PPHLN1: variants seen among roughly 807,000 people sequenced by gnomAD.
The protein encoded by PPHLN1 is periphilin 1, also known as periphilin-1.
A neutral mutation model predicts 51.3 loss-of-function variants in PPHLN1; 29 were observed. The observed-to-expected ratio is 0.57, with a 90% CI of 0.42 to 0.77. The LOEUF is 0.77. Ranked by LOEUF, PPHLN1 falls within the 30% of genes least tolerant of loss-of-function variation. PPHLN1 has a pLI of 0.00. For missense variants in PPHLN1, 436 were observed against 438.4 expected (o/e 0.99, Z 0.05); for synonymous variants, 147 against 147.8 (o/e 0.99, Z 0.04).
At chr12:42,406,038 C>G (rs556569240) in intron 9 of PPHLN1, among the ~76,000 whole-genome samples, 32 of 151,728 alleles carry the variant, frequency 2.1e-4, no homozygotes, top group Non-Finnish European at 4.3e-4. Context: ...ACCTTTACCC[C>G]CTTCAAGGTA....
At chr12:42,401,726 A>G (rs991261653) in intron 9 of PPHLN1, among the ~76,000 whole-genome samples, 2 of 152,200 alleles carry the variant, frequency 1.3e-5, no homozygotes, top group African/African-American at 4.8e-5. Context: ...TCTGCTGCCT[A>G]TAAGTATGCT....
chr12:42,383,706 C>T (rs1025678334), intron 5 of PPHLN1, among the ~76,000 whole-genome samples: 1 of 151,976 alleles, frequency 6.6e-6, no homozygotes, highest in African/African-American at 2.4e-5. Flanking sequence ...TTTGGCTGGT[C>T]GTGGTGGCTC....
At chr12:42,414,909 T>G (rs888462314) in intron 9 of PPHLN1, among the ~76,000 whole-genome samples, 5 of 152,244 alleles carry the variant, frequency 3.3e-5, no homozygotes, top group African/African-American at 1.2e-4. Flanking sequence ...CATGTTATTC[T>G]CTCTTATGTA....
chr12:42,405,643 A>G (rs1331619405), intron 9 of PPHLN1, among the ~76,000 whole-genome samples: 1 of 151,470 alleles, frequency 6.6e-6, no homozygotes, highest in Admixed American at 6.6e-5. Context: ...AATGCAATAT[A>G]TGTTATTTCT....
chr12:42,355,841 A>G (rs2073994089), intron 4 of PPHLN1, among the ~76,000 whole-genome samples: 1 of 152,044 alleles, frequency 6.6e-6, no homozygotes, highest in South Asian at 2.1e-4. Flanking sequence ...AGGTTTGCTT[A>G]ATTAGTATTT....
chr12:42,361,780 G>A (rs2074718619), intron 4 of PPHLN1: 1 of 152,214 alleles, frequency 6.6e-6, no homozygotes, highest in Non-Finnish European at 1.5e-5. Context: ...GGTGAGTACA[G>A]AAACCCACAT....
intron 1 of PPHLN1, among the ~76,000 whole-genome samples, chr12:42,329,140 C>T (rs1469584755): frequency 7.2e-6 from 1 of 139,386 alleles, no homozygotes; most frequent in Non-Finnish European, 1.5e-5. Flanking sequence ...CTCACTCTGT[C>T]ACCCAGGCTG....
chr12:42,337,240 ATTG>A (rs1185867396), intron 2 of PPHLN1, among the ~76,000 whole-genome samples: 5 of 148,856 alleles, frequency 3.4e-5, no homozygotes, highest in Admixed American at 1.3e-4. Context: ...CCCATTAGGA[ATTG>A]TTCTGTTTTT....
chr12:42,387,672 G>GCA, intron 7 of PPHLN1, 137 bp downstream of exon 7: 1 of 1,145,668 alleles, frequency 8.7e-7, no homozygotes, highest in Non-Finnish European at 1.2e-6. Flanking sequence ...TTTTGGCTAG[G>GCA]TGTGGTGGCT....
chr12:42,445,077 C>T (rs1179261849), downstream of PPHLN1: 3 of 702,384 alleles, frequency 4.3e-6, no homozygotes, highest in Admixed American at 4.0e-5. Context: ...TAAGTCTACT[C>T]TCGAGCCGGC....
At chr12:42,337,439 G>A (rs2070833366) in intron 2 of PPHLN1, among the ~76,000 whole-genome samples, 1 of 151,790 alleles carries the variant, frequency 6.6e-6, no homozygotes, top group Non-Finnish European at 1.5e-5. Context: ...GGGATTACAG[G>A]TGCCCACCAC....
chr12:42,343,128 T>C (rs1010593591), intron 2 of PPHLN1, among the ~76,000 whole-genome samples: 2 of 152,380 alleles, frequency 1.3e-5, no homozygotes, highest in African/African-American at 2.4e-5. Flanking sequence ...TCAGGTCTAC[T>C]TAATTTAGTA....
At chr12:42,440,732 C>T (rs1010032809) in intron 9 of PPHLN1, among the ~76,000 whole-genome samples, 3 of 152,210 alleles carry the variant, frequency 2.0e-5, no homozygotes, top group African/African-American at 4.8e-5. Flanking sequence ...CACGCGCCAC[C>T]GCGCCCAGCC....
At chr12:42,327,698 G>A (rs1170686325) in intron 1 of PPHLN1, among the ~76,000 whole-genome samples, 1 of 152,160 alleles carries the variant, frequency 6.6e-6, no homozygotes, top group Non-Finnish European at 1.5e-5. Flanking sequence ...CCTACTAAGC[G>A]AGACTGTCGG....
chr12:42,372,184 G>A (rs2075867402), intron 4 of PPHLN1, among the ~76,000 whole-genome samples: 1 of 152,062 alleles, frequency 6.6e-6, no homozygotes, highest in East Asian at 1.9e-4. Flanking sequence ...TATCAAAAAG[G>A]ATACTTATGA....
chr12:42,346,294 GT>G (rs903452996), intron 2 of PPHLN1, among the ~76,000 whole-genome samples: 3 of 150,182 alleles, frequency 2.0e-5, no homozygotes, highest in African/African-American at 4.9e-5. Flanking sequence ...GCTCTTTTTT[GT>G]TTTTTTTAAA....
downstream of PPHLN1, chr12:42,442,827 C>T (rs2083075572): frequency 4.4e-6 from 7 of 1,585,844 alleles, no homozygotes; most frequent in South Asian, 6.8e-5. Context: ...GCTATCCACA[C>T]AACAGAAACA....
intron 5 of PPHLN1, among the ~76,000 whole-genome samples, chr12:42,378,983 G>A (rs1277804150): frequency 6.6e-6 from 1 of 151,600 alleles, no homozygotes; most frequent in Non-Finnish European, 1.5e-5. Context: ...CTTTCTCCCT[G>A]TGTATTATGA....
At chr12:42,423,604 C>G (rs2139725529) in intron 9 of PPHLN1, among the ~76,000 whole-genome samples, 1 of 152,104 alleles carries the variant, frequency 6.6e-6, no homozygotes, top group East Asian at 1.9e-4. Flanking sequence ...ATTCTTTTTT[C>G]CAGTAGAAGT....
Sources: gnomAD v4.1 joint callset for allele counts (sites outside exome capture counted in the v4.1 genomes callset) on GRCh38, gnomAD v4.1.1 for gene constraint, MANE v1.5 for transcripts, NCBI Gene and HGNC (gene_info 2026-07-23, HGNC 2026-07-21) for gene names.